PLD1: variants seen among roughly 807,000 people sequenced by gnomAD.
The protein encoded by PLD1 is choline phosphatase 1.
PLD1 carries 112 observed loss-of-function variants against 137.1 expected under a neutral mutation model. The ratio of observed to expected loss-of-function variants is 0.82; its 90% CI spans 0.70 to 0.96. The LOEUF is 0.96. Among genes scored for constraint, PLD1 ranks in the 40% least tolerant of loss-of-function variants. The probability of loss-of-function intolerance (pLI) is 0.00; values close to 1 mark genes in which losing one functional copy is unlikely to be tolerated. For missense variants in PLD1, 1,321 were observed against 1,342.0 expected (o/e 0.98, Z 0.24); for synonymous variants, 431 against 454.7 (o/e 0.95, Z 0.66).
chr3:171,703,101 C>T (rs889322778), intron 11 of PLD1, among the ~76,000 whole-genome samples: 8 of 151,854 alleles, frequency 5.3e-5, no homozygotes, highest in Non-Finnish European at 8.8e-5. Flanking sequence ...AGGAGAAAAA[C>T]GTTATTATTC....
At chr3:171,808,823 T>C in intron 1 of PLD1, among the ~76,000 whole-genome samples, 1 of 131,542 alleles carries the variant, frequency 7.6e-6, no homozygotes, top group Non-Finnish European at 1.6e-5. Flanking sequence ...CAATTTTTTT[T>C]TTTTTTTTTT....
chr3:171,771,636 G>T (rs78216453), intron 1 of PLD1, among the ~76,000 whole-genome samples: 174 of 152,304 alleles, frequency 1.1e-3, no homozygotes, highest in African/African-American at 3.7e-3. Context: ...TAAGCAAGGG[G>T]ATACAGTCTG....
At chr3:171,609,555 C>CACACACA in intron 25 of PLD1, among the ~76,000 whole-genome samples, 1 of 134,548 alleles carries the variant, frequency 7.4e-6, no homozygotes, top group Non-Finnish European at 1.6e-5. Context: ...CACACACACA[C>CACACACA]CAGAGAAAAC....
At chr3:171,759,569 G>C (rs1279994035) in intron 1 of PLD1, among the ~76,000 whole-genome samples, 1 of 152,154 alleles carries the variant, frequency 6.6e-6, no homozygotes, top group Non-Finnish European at 1.5e-5. Flanking sequence ...GAAATTTGGG[G>C]AGCAGAAAAG....
At chr3:171,712,373 T>C (rs1330208249) in intron 9 of PLD1, among the ~76,000 whole-genome samples, 1 of 152,094 alleles carries the variant, frequency 6.6e-6, no homozygotes, top group Non-Finnish European at 1.5e-5. Context: ...CCAATTGAGC[T>C]AAAAAGCCTC....
At chr3:171,641,188 G>C (rs1364236860) in intron 23 of PLD1, among the ~76,000 whole-genome samples, 3 of 152,154 alleles carry the variant, frequency 2.0e-5, no homozygotes, top group Non-Finnish European at 2.9e-5. Flanking sequence ...GCTGAGAAGA[G>C]GGAGATGGGT....
At chr3:171,718,430 AAAC>A (rs1329482763) in intron 8 of PLD1, among the ~76,000 whole-genome samples, 1 of 152,196 alleles carries the variant, frequency 6.6e-6, no homozygotes, top group African/African-American at 2.4e-5. Context: ...AAACTACTCT[AAAC>A]AATTGAGGAG....
intron 1 of PLD1, among the ~76,000 whole-genome samples, chr3:171,778,454 ACTGGAGAGAGATGGCAT>A (rs1004359155): frequency 1.3e-5 from 2 of 152,224 alleles, no homozygotes; most frequent in African/African-American, 4.8e-5. Flanking sequence ...AGAGTAAGGG[ACTGGAGAGAGATGGCAT>A]CTGGAGAGAG....
chr3:171,733,008 G>C (rs77091020), intron 6 of PLD1, among the ~76,000 whole-genome samples: 9 of 152,280 alleles, frequency 5.9e-5, no homozygotes, highest in African/African-American at 2.2e-4. Flanking sequence ...TAACAGGCAT[G>C]ACAAACCAAT....
intron 21 of PLD1, among the ~76,000 whole-genome samples, chr3:171,654,965 T>C (rs1445586400): frequency 1.3e-5 from 2 of 152,024 alleles, no homozygotes; most frequent in East Asian, 3.8e-4. Flanking sequence ...AACTGAGAAA[T>C]TGCTTAGGGG....
chr3:171,659,298 G>A lies in PLD1; in HGVS notation c.2344C>T (p.Gln782Ter). 6 of 1,599,814 alleles carry A rather than the reference G, an allele frequency of 3.8e-6. No individual in the cohort carries two copies. The East Asian group carries it at 6.7e-5, about 18-fold the overall frequency. Residue 782 changes from glutamine to a stop codon, truncating the protein, a stop_gained, in exon 21 of 27, where the codon CAG (glutamine) becomes TAG (stop). Coordinates refer to ENST00000351298, the MANE Select transcript of PLD1 (RefSeq NM_002662.5). LOFTEE classifies it high-confidence loss of function. ...TCATCAGCACAGCTTATGAAAAACT[G>A]GTTCTATGAGAAATAAACAAGACAA... ...NSRHYIYIENQFFISCADDKV... is the reference protein window; with the variant it reads ...NSRHYIYIEN
chr3:171,753,938 G>A (rs1230919667), intron 1 of PLD1, among the ~76,000 whole-genome samples: 1 of 152,158 alleles, frequency 6.6e-6, no homozygotes, highest in Non-Finnish European at 1.5e-5. Context: ...CTTTCAATAG[G>A]CTGCTCCGTC....
intron 12 of PLD1, among the ~76,000 whole-genome samples, chr3:171,693,840 T>C (rs2108525656): frequency 6.6e-6 from 1 of 152,330 alleles, no homozygotes; most frequent in Non-Finnish European, 1.5e-5. Flanking sequence ...TTAGTCATTG[T>C]TTATAAGGGA....
intron 1 of PLD1, among the ~76,000 whole-genome samples, chr3:171,745,232 G>T (rs1720058738): frequency 6.6e-6 from 1 of 152,194 alleles, no homozygotes; most frequent in Non-Finnish European, 1.5e-5. Flanking sequence ...AAATGTTGAT[G>T]GTTAAGAAAA....
intron 23 of PLD1, among the ~76,000 whole-genome samples, chr3:171,625,581 A>G (rs1032878787): frequency 6.6e-6 from 1 of 152,128 alleles, no homozygotes; most frequent in African/African-American, 2.4e-5. Context: ...ATCCCTGAGA[A>G]GCTAACTGGG....
rs753863937 is a variant in PLD1 at position 171,644,987 on chromosome 3, T to G, written c.2466A>C (p.Pro822=). ...TGTCTCCTTCGAACCCTGGCAGAAG[T>G]GGTATCACGACATATACCCGGTATT... ...NQKYRVYVVI[P]LLPGFEGDIS... The change falls in exon 22 of 27, where the codon CCA becomes CCC. Residue 822 remains proline (P), a synonymous_variant. Transcript: ENST00000351298. 131 of 1,613,754 alleles carry G rather than the reference T, an allele frequency of 8.1e-5. No homozygotes were observed. Among genetic ancestry groups the G allele is most frequent in the Non-Finnish European group, 1.1e-4 (128 of 1,179,764 alleles).
At position 171,735,604 on chromosome 3, in the gene PLD1, T is replaced by A. The variant is rs1163729788; in HGVS notation, c.322A>T (p.Thr108Ser). Residue 108 changes from threonine (T) to serine (S), a missense_variant, in exon 4 of 27, where the codon ACA (threonine) becomes TCA (serine). Transcript: ENST00000351298. The part of the protein sequence containing the change: ...PSINLYTIEL[T>S]HGEFKWQVKR... ...ACTTGCCATTTAAATTCCCCATGTGTTAATTCAATAGTGTAAAGATTAATA... is the reference window on the plus strand; with the variant it reads ...ACTTGCCATTTAAATTCCCCATGTGATAATTCAATAGTGTAAAGATTAATA... 1 of 1,550,362 alleles carries A rather than the reference T, an allele frequency of 6.5e-7. No homozygotes were observed. The highest frequency in any genetic ancestry group is 8.9e-7 in the Non-Finnish European group (1 of 1,122,084).
rs1377224146 is a variant in PLD1, at chr3:171,698,548, A to G, written c.1227+1197T>C. On this transcript the variant is annotated intron_variant, in intron 12 of 26. Coordinates refer to ENST00000351298, the MANE Select transcript of PLD1 (RefSeq NM_002662.5). ...AAGGGGAAAGTGAATGGGGAAATAA[A>G]AAGTGGAATGCAGAGGATAGGAAAG... 1.3e-5 allele frequency among the ~76,000 whole-genome samples: 2 copies of G among 152,218 alleles called. 1 individual carries two copies. The highest frequency in any genetic ancestry group is 1.3e-4 in the Admixed American group (2 of 15,278).
intron 21 of PLD1, among the ~76,000 whole-genome samples, chr3:171,656,138 A>G (rs1035060278): frequency 8.1e-6 from 1 of 123,134 alleles, no homozygotes; most frequent in Non-Finnish European, 1.8e-5. Context: ...AGTTTCTTGT[A>G]GCCCTAAAAT....
Sources: gnomAD v4.1 joint callset for allele counts (sites outside exome capture counted in the v4.1 genomes callset) on GRCh38, gnomAD v4.1.1 for gene constraint, MANE v1.5 for transcripts, NCBI Gene and HGNC (gene_info 2026-07-23, HGNC 2026-07-21) for gene names.